The following PDE1C variants were observed in gnomAD, a reference collection of about 807,000 sequenced individuals.
PDE1C encodes dual specificity calcium/calmodulin-dependent 3',5'-cyclic nucleotide phosphodiesterase 1C.
PDE1C carries 62 observed loss-of-function variants against 93.1 expected under a neutral mutation model. That is an observed-to-expected ratio of 0.67 (90% CI 0.54 to 0.82). PDE1C has a LOEUF of 0.82. Among genes scored for constraint, PDE1C ranks in the 40% least tolerant of loss-of-function variants. PDE1C has a pLI of 0.00. For synonymous variants in PDE1C, 325 were observed against 310.1 expected (o/e 1.05, Z -0.50); for missense variants, 742 against 884.6 (o/e 0.84, Z 2.04).
intron 2 of PDE1C, among the ~76,000 whole-genome samples, chr7:31,958,357 T>C (rs1412321245): frequency 1.3e-5 from 2 of 152,374 alleles, no homozygotes; most frequent in East Asian, 1.9e-4. Context: ...TCTGACATTA[T>C]GTGGTCAAAA....
chr7:32,408,280 G>A (rs1288749550), intron 1 of PDE1C, among the ~76,000 whole-genome samples: 1 of 152,192 alleles, frequency 6.6e-6, no homozygotes, highest in African/African-American at 2.4e-5. Flanking sequence ...TGAGTCAGTG[G>A]TATTTAGGGG....
At chr7:31,629,300 C>A in the PDE1C span, among the ~76,000 whole-genome samples, 1 of 151,956 alleles carries the variant, frequency 6.6e-6, no homozygotes, top group African/African-American at 2.4e-5. Context: ...TATATAGATT[C>A]ATATAAATGT....
At chr7:31,823,693 G>A (rs533223802) in intron 13 of PDE1C, among the ~76,000 whole-genome samples, 42 of 152,162 alleles carry the variant, frequency 2.8e-4, no homozygotes, top group African/African-American at 9.6e-4. Flanking sequence ...CCCTGCAAGG[G>A]TCTTTCTGAT....
At chr7:31,917,803 G>A (rs995788595) in intron 2 of PDE1C, among the ~76,000 whole-genome samples, 2 of 152,120 alleles carry the variant, frequency 1.3e-5, no homozygotes, top group Non-Finnish European at 2.9e-5. Context: ...CATGATGCTT[G>A]ATCAACTTGC....
At chr7:31,810,581 T>C (rs1412794356) in intron 15 of PDE1C, among the ~76,000 whole-genome samples, 1 of 152,096 alleles carries the variant, frequency 6.6e-6, no homozygotes, top group Non-Finnish European at 1.5e-5. Context: ...TTGAGGATGT[T>C]TTCCAAATTT....
chr7:32,288,032 A>G (rs975136544), intron 1 of PDE1C, among the ~76,000 whole-genome samples: 5 of 152,118 alleles, frequency 3.3e-5, no homozygotes, highest in Non-Finnish European at 7.4e-5. Flanking sequence ...GTGAAACCCC[A>G]TCTCCCAGCT....
At chr7:32,393,607 T>C (rs969488405) in intron 1 of PDE1C, among the ~76,000 whole-genome samples, 2 of 152,220 alleles carry the variant, frequency 1.3e-5, no homozygotes, top group African/African-American at 2.4e-5. Flanking sequence ...TATTCAGTGG[T>C]TATTTCCTGA....
rs1583436114 is a variant in PDE1C, at chr7:32,420,563, A to G, written c.310+7259T>C. The stretch of plus-strand genomic sequence containing the variant: ...AGCAAGGCTCCATCTCAAAAAAAAA[A>G]GGGGGGGTGGTAATAATAGTGCTTG... On this transcript the variant is annotated intron_variant, in intron 1 of 1. Coordinates refer to the PDE1C transcript ENST00000672256. Among the ~76,000 whole-genome samples, 4 of 148,092 alleles carry G rather than the reference A, an allele frequency of 2.7e-5. No homozygotes were observed. In the South Asian group the frequency reaches 6.5e-4, roughly 24 times the overall value.
At chr7:32,163,552 G>T (rs1802045459) in intron 3 of PDE1C, among the ~76,000 whole-genome samples, 1 of 152,124 alleles carries the variant, frequency 6.6e-6, no homozygotes, top group South Asian at 2.1e-4. Flanking sequence ...CTTTGCCAAA[G>T]CCCAAATAAG....
intron 2 of PDE1C, among the ~76,000 whole-genome samples, chr7:31,999,456 G>A (rs984608433): frequency 6.6e-6 from 1 of 152,120 alleles, no homozygotes; most frequent in Non-Finnish European, 1.5e-5. Flanking sequence ...GGGGAACTGT[G>A]CAAAACCATG....
intron 1 of PDE1C, among the ~76,000 whole-genome samples, chr7:32,280,356 C>T (rs565701154): frequency 5.3e-4 from 80 of 152,034 alleles, no homozygotes; most frequent in Non-Finnish European, 1.0e-3. Context: ...AGAAGAAATT[C>T]ATAAGAAAAA....
chr7:32,080,556 T>A (rs1197170201), intron 3 of PDE1C, among the ~76,000 whole-genome samples: 1 of 152,200 alleles, frequency 6.6e-6, no homozygotes, highest in Non-Finnish European at 1.5e-5. Context: ...AATTTTCAAT[T>A]ATCTGATTAG....
intron 2 of PDE1C, among the ~76,000 whole-genome samples, chr7:31,960,977 T>A (rs1055242241): frequency 2.6e-5 from 4 of 152,126 alleles, no homozygotes; most frequent in African/African-American, 9.7e-5. Flanking sequence ...AATTTCATCA[T>A]CTCCTCTCTC....
chr7:31,930,236 T>A (rs1380502026), intron 2 of PDE1C, among the ~76,000 whole-genome samples: 1 of 152,148 alleles, frequency 6.6e-6, no homozygotes, highest in African/African-American at 2.4e-5. Flanking sequence ...AATAGACCAA[T>A]AACAAGTTCT....
rs1010507799 is a variant in PDE1C at position 31,752,756 on chromosome 7, G to A, written c.*628C>T. On this transcript the variant is annotated 3_prime_UTR_variant, in exon 18 of 18. Transcript: ENST00000396191. ...TCATGAGGCACAAAAATCTTTTTTTGTTTTTTAACTTGGATTTGCTTTATA... is the reference window on the plus strand; with the variant it reads ...TCATGAGGCACAAAAATCTTTTTTTATTTTTTAACTTGGATTTGCTTTATA... 1 of 152,002 alleles carries A rather than the reference G, an allele frequency of 6.6e-6. No homozygotes were observed. The highest frequency in any genetic ancestry group is 1.5e-5 in the Non-Finnish European group (1 of 67,978). The allele number at this position is 152,002 out of a possible 1,614,324, so 9.4% of individuals were successfully genotyped here.
chr7:32,160,369 C>T (rs1218372347), intron 3 of PDE1C, among the ~76,000 whole-genome samples: 1 of 152,204 alleles, frequency 6.6e-6, no homozygotes, highest in East Asian at 1.9e-4. Context: ...TAAGAAGCAA[C>T]ATTTTCTCAC....
chr7:31,702,023 A>G, the PDE1C span, among the ~76,000 whole-genome samples: 1 of 152,204 alleles, frequency 6.6e-6, no homozygotes, highest in African/African-American at 2.4e-5. Context: ...AAAATTTTTT[A>G]GAAGTCCTGC....
chr7:32,113,242 T>TATATATATATATATATATATATATAA (rs1798778044), intron 3 of PDE1C, among the ~76,000 whole-genome samples: 2 of 134,298 alleles, frequency 1.5e-5, no homozygotes, highest in African/African-American at 5.9e-5. Context: ...CTTAAATATA[T>TATATATATATATATATATATATATAA]ATATATATAT....
chr7:32,098,935 G>A (rs945384310), intron 3 of PDE1C, among the ~76,000 whole-genome samples: 2 of 152,218 alleles, frequency 1.3e-5, no homozygotes, highest in African/African-American at 4.8e-5. Flanking sequence ...TCTGAAGATG[G>A]ATAGAGGTGA....
Sources: allele counts gnomAD v4.1 joint callset (sites outside exome capture counted in the v4.1 genomes callset), GRCh38; gene constraint gnomAD v4.1.1; transcripts MANE v1.5; gene names NCBI Gene and HGNC (gene_info 2026-07-23, HGNC 2026-07-21).